The following ANK2 variants were observed in gnomAD, a reference collection of about 807,000 sequenced individuals.
The protein encoded by ANK2 is ankyrin-2.
Under a neutral mutation model 360.5 loss-of-function variants are expected in ANK2, and 83 were observed. The ratio of observed to expected loss-of-function variants is 0.23; its 90% CI spans 0.19 to 0.28. The LOEUF (loss-of-function observed/expected upper bound fraction) is 0.28, where lower values mean the gene tolerates loss of function less well. ANK2 is among the 10% of genes least tolerant of loss of function. ANK2 has a pLI of 1.00. For missense variants in ANK2, 4,201 were observed against 4,795.7 expected (o/e 0.88, Z 3.66); for synonymous variants, 1,740 against 1,759.5 (o/e 0.99, Z 0.28).
At chr4:113,045,489 G>C (rs2064062107), upstream of ANK2, among the ~76,000 whole-genome samples, 2 of 152,152 alleles carry the variant, frequency 1.3e-5, no homozygotes, top group Admixed American at 1.3e-4. Context: ...CTTTGGACAA[G>C]TCACCAAACC....
intron 2 of ANK2, among the ~76,000 whole-genome samples, chr4:113,015,495 CT>C (rs1213488542): frequency 3.3e-5 from 5 of 152,094 alleles, no homozygotes; most frequent in Non-Finnish European, 7.4e-5. Context: ...AATTGTTGAA[CT>C]AAGTGTTATG....
intron 1 of ANK2, among the ~76,000 whole-genome samples, chr4:112,828,686 T>A (rs2058999911): frequency 6.6e-6 from 1 of 152,160 alleles, no homozygotes; most frequent in African/African-American, 2.4e-5. Context: ...TGGGACCTAA[T>A]TAAAGTAAAT....
At chr4:113,235,725 C>G (rs1233804340) in intron 5 of ANK2, among the ~76,000 whole-genome samples, 4 of 151,958 alleles carry the variant, frequency 2.6e-5, no homozygotes, top group Non-Finnish European at 4.4e-5. Context: ...TGTGAGCCAC[C>G]GTGCCTGGCC....
intron 3 of ANK2, among the ~76,000 whole-genome samples, chr4:113,197,026 A>T (rs2098757365): frequency 6.6e-6 from 1 of 152,220 alleles, no homozygotes; most frequent in Non-Finnish European, 1.5e-5. Context: ...AGAGGATGAG[A>T]TTAACATAAT....
At chr4:113,254,280 A>G (rs1206756025) in intron 10 of ANK2, among the ~76,000 whole-genome samples, 1 of 152,154 alleles carries the variant, frequency 6.6e-6, no homozygotes, top group Non-Finnish European at 1.5e-5. Flanking sequence ...CTAGAATGTA[A>G]CCTCGATAGA....
chr4:113,274,346 G>A (rs2059510071), intron 14 of ANK2, 106 bp from the exon 15 acceptor site: 1 of 1,260,004 alleles, frequency 7.9e-7, no homozygotes, highest in South Asian at 1.2e-5. Flanking sequence ...TTTTGGGTGG[G>A]GTTCCTAGAG....
At chr4:112,915,191 A>G (rs1255507163) in intron 2 of ANK2, among the ~76,000 whole-genome samples, 2 of 152,190 alleles carry the variant, frequency 1.3e-5, no homozygotes, top group African/African-American at 4.8e-5. Flanking sequence ...TACAGCTTAC[A>G]TATTTTTTAG....
intron 1 of ANK2, among the ~76,000 whole-genome samples, chr4:113,151,751 A>G (rs572679298): frequency 5.0e-4 from 76 of 152,154 alleles, no homozygotes; most frequent in Admixed American, 3.5e-3. Context: ...ATAAAATGCA[A>G]TGGTTACATT....
At chr4:113,380,122 C>T (rs987903714) in intron 45 of ANK2, among the ~76,000 whole-genome samples, 1 of 151,994 alleles carries the variant, frequency 6.6e-6, no homozygotes, top group Non-Finnish European at 1.5e-5. Flanking sequence ...CTGGCCCATA[C>T]AACACATTCG....
chr4:113,017,982 C>T (rs898482830), intron 2 of ANK2, among the ~76,000 whole-genome samples: 1 of 152,156 alleles, frequency 6.6e-6, no homozygotes, highest in African/African-American at 2.4e-5. Context: ...CTTTTGTGGA[C>T]TTAATGAGAT....
At chr4:113,160,015 T>A (rs556322765) in intron 1 of ANK2, among the ~76,000 whole-genome samples, 1 of 152,306 alleles carries the variant, frequency 6.6e-6, no homozygotes, top group South Asian at 2.1e-4. Context: ...TATTTAGTAA[T>A]GTCATAATTG....
intron 2 of ANK2, 134 bp downstream of exon 2, chr4:113,174,651 T>G (rs1382884914): frequency 8.5e-6 from 6 of 709,026 alleles, no homozygotes; most frequent in Non-Finnish European, 1.4e-5. Context: ...TCCCATTTTT[T>G]GCCCCCTTAC....
intron 1 of ANK2, among the ~76,000 whole-genome samples, chr4:113,143,164 T>A (rs2352531): frequency 1.3e-5 from 2 of 151,926 alleles, no homozygotes; most frequent in African/African-American, 4.8e-5. Context: ...AGAAAACAGG[T>A]ATATCTTGTA....
intron 35 of ANK2, 29 bp downstream of exon 35, chr4:113,346,051 C>T (rs1333877785): frequency 6.2e-7 from 1 of 1,611,638 alleles, no homozygotes; most frequent in South Asian, 1.1e-5. Context: ...TAGTGCAATT[C>T]AGGTAGAGTA....
At chr4:113,078,423 C>T (rs1413258515) in intron 1 of ANK2, among the ~76,000 whole-genome samples, 1 of 152,124 alleles carries the variant, frequency 6.6e-6, no homozygotes, top group African/African-American at 2.4e-5. Context: ...TGTTGCTCGT[C>T]AATAGTAGCC....
At chr4:113,201,299 CCAT>C (rs1371912982) in intron 4 of ANK2, among the ~76,000 whole-genome samples, 1 of 152,046 alleles carries the variant, frequency 6.6e-6, no homozygotes, top group Non-Finnish European at 1.5e-5. Flanking sequence ...TTGTTGAAAC[CCAT>C]GTTTCTAGGC....
intron 1 of ANK2, among the ~76,000 whole-genome samples, chr4:112,876,385 C>T (rs1041190519): frequency 6.6e-6 from 1 of 151,920 alleles, no homozygotes; most frequent in Non-Finnish European, 1.5e-5. Context: ...GCAGCTGGCA[C>T]ACTCAAAATA....
chr4:113,330,139 A>T (rs2091976880), intron 26 of ANK2, 107 bp from the exon 27 acceptor site: 1 of 1,129,956 alleles, frequency 8.8e-7, no homozygotes, highest in Non-Finnish European at 1.3e-6. Context: ...CATTTAAATA[A>T]AAAAGAGAGA....
chr4:112,892,492 T>C (rs2080349301), intron 1 of ANK2, among the ~76,000 whole-genome samples: 1 of 152,204 alleles, frequency 6.6e-6, no homozygotes, highest in Non-Finnish European at 1.5e-5. Flanking sequence ...CAACAAATGA[T>C]AGCTTCTATA....
Sources: gnomAD v4.1 joint callset for allele counts (sites outside exome capture counted in the v4.1 genomes callset) on GRCh38, gnomAD v4.1.1 for gene constraint, MANE v1.5 for transcripts, NCBI Gene and HGNC (gene_info 2026-07-23, HGNC 2026-07-21) for gene names.